RRP36: variants seen among roughly 807,000 people sequenced by gnomAD.
RRP36 encodes the protein ribosomal RNA processing protein 36 homolog.
A neutral mutation model predicts 39.8 loss-of-function variants in RRP36; 44 were observed. The ratio of observed to expected loss-of-function variants is 1.10; its 90% CI spans 0.87 to 1.42. The LOEUF (loss-of-function observed/expected upper bound fraction) is 1.42, where lower values mean the gene tolerates loss of function less well. Ranked by LOEUF, RRP36 falls within the 40% of genes most tolerant of loss-of-function variation. RRP36 has a pLI of 0.00. For missense variants in RRP36, 316 were observed against 322.4 expected, an observed-to-expected ratio of 0.98 and a Z score of 0.15; for synonymous variants, 124 against 123.1, an observed-to-expected ratio of 1.01 and a Z score of -0.05.
intron 6 of RRP36, among the ~76,000 whole-genome samples, chr6:43,028,196 T>C (rs1362014102): frequency 6.6e-6 from 1 of 151,426 alleles, no homozygotes; most frequent in African/African-American, 2.4e-5. Context: ...CCGGGCCTGG[T>C]GGCGTGCACC....
intron 1 of RRP36, among the ~76,000 whole-genome samples, chr6:43,024,333 G>C (rs1424680847): frequency 6.6e-6 from 1 of 152,148 alleles, no homozygotes; most frequent in African/African-American, 2.4e-5. Flanking sequence ...GAGACACATT[G>C]AGAGGAGTGA....
At chr6:43,022,328 G>A (rs1457220828) in intron 1 of RRP36, among the ~76,000 whole-genome samples, 2 of 152,068 alleles carry the variant, frequency 1.3e-5, no homozygotes, top group African/African-American at 4.8e-5. Context: ...TCGATCTCCT[G>A]ACCTCGTGAT....
At position 43,021,703 on chromosome 6, in the gene RRP36, C is replaced by G. The variant is rs1458618014; in HGVS notation, c.49C>G (p.Arg17Gly). 2.5e-6 allele frequency: 3 copies of G among 1,194,204 alleles called. No homozygotes were observed. The Admixed American group carries it at 1.7e-4, about 68-fold the overall frequency. The allele number at this position is 1,194,204 out of a possible 1,614,324, so 74.0% of individuals were successfully genotyped here. Residue 17 changes from arginine to glycine, a missense_variant, in exon 1 of 7, where the codon CGA (arginine) becomes GGA (glycine). Coordinates refer to ENST00000244496, the MANE Select transcript of RRP36 (RefSeq NM_033112.4). ...RAGAGAGAGARRPRGARDREE... is the reference protein window; with the variant it reads ...RAGAGAGAGAGRPRGARDREE... ...CGGGGCCGGGGCCGGGGCCGGGGCC[C>G]GACGTCCCCGCGGGGCCCGGGACCG... is the stretch of plus-strand genomic sequence containing the variant.
rs140642066 is a variant in RRP36, at chr6:43,025,045, C to T, written c.191C>T (p.Thr64Met). The T allele has an allele frequency of 1.7e-4, 269 of 1,614,172 alleles. No homozygotes were observed. The highest frequency in any genetic ancestry group is 1.6e-3 in the African/African-American group (117 of 75,048). The change falls in exon 2 of 7, where the codon ACG becomes ATG. Residue 64 changes from threonine (T) to methionine (M), a missense_variant. Transcript: ENST00000244496. ...TTGCAGAGCCAAGTGGGGACTAAGA[C>T]GTACAAACAATTGGTAGCTGGAAAT... The part of the protein sequence containing the change: ...LELQSQVGTK[T>M]YKQLVAGNSP...
At chr6:43,021,920 A>G in intron 1 of RRP36, 136 bp downstream of exon 1, 1 of 569,608 alleles carries the variant, frequency 1.8e-6, no homozygotes, top group African/African-American at 2.7e-5. Context: ...CCCCCAGTGC[A>G]GTGGAAAGTG....
At position 43,025,072 on chromosome 6, in the gene RRP36, G is replaced by A; in HGVS notation, c.218G>A (p.Ser73Asn). The A allele has an allele frequency of 1.2e-6, 2 of 1,614,188 alleles. No homozygotes were observed. The highest frequency in any genetic ancestry group is 1.7e-6 in the Non-Finnish European group (2 of 1,180,042). Residue 73 changes from serine (S) to asparagine (N), a missense_variant, in exon 2 of 7, where the codon AGT becomes AAT. By Grantham distance (46) the Ser-to-Asn change is conservative (BLOSUM62 1). Transcript: ENST00000244496. ...TACAAACAATTGGTAGCTGGAAATA[G>A]TCCTAAGAAACAAGCTTCTAGACCA... ...KTYKQLVAGNSPKKQASRPPI... is the reference protein window; with the variant it reads ...KTYKQLVAGNNPKKQASRPPI...
chr6:43,027,845 ACAAT>A (rs1218429953), intron 6 of RRP36, among the ~76,000 whole-genome samples: 6 of 150,320 alleles, frequency 4.0e-5, no homozygotes, highest in African/African-American at 9.8e-5. Flanking sequence ...ACACACACAC[ACAAT>A]CAGTTTTATC....
chr6:43,028,801 A>T (rs1055275920), intron 6 of RRP36, among the ~76,000 whole-genome samples: 13 of 151,158 alleles, frequency 8.6e-5, no homozygotes, highest in African/African-American at 3.2e-4. Context: ...AAATACAAAA[A>T]AATTAGCCAT....
rs544435890 is a variant in RRP36 at position 43,025,669 on chromosome 6, T to A, written c.345+340T>A. On this transcript the variant is annotated intron_variant, in intron 3 of 6. Transcript: ENST00000244496. ...AATAGAGGCCGGGCGCAGTGGCTCA[T>A]GTCTGTAATCCCAGCACTTTGGAAG... Among the ~76,000 whole-genome samples the A allele has an allele frequency of 1.1e-3, 158 of 147,554 alleles. 6 individuals are homozygous for A. In the South Asian group the frequency reaches 0.033, roughly 31 times the overall value.
intron 6 of RRP36, among the ~76,000 whole-genome samples, chr6:43,028,588 C>T (rs1762858740): frequency 6.6e-6 from 1 of 151,086 alleles, no homozygotes; most frequent in Non-Finnish European, 1.5e-5. Flanking sequence ...GCGGAGGTTG[C>T]AGTGAGCTGA....
At position 43,026,146 on chromosome 6, in the gene RRP36, A is replaced by G. The variant is rs1345644516; in HGVS notation, c.450+5A>G. On this transcript the variant is annotated splice_donor_5th_base_variant and intron_variant, in intron 4 of 6. Transcript: ENST00000244496. ...ATCCGAGCGAAAGAGAAAGAGGTAT[A>G]CAGCTTGAGACTGGTTTATGGGGAA... 1.9e-6 allele frequency: 3 copies of G among 1,601,704 alleles called. No individual in the cohort carries two copies. The highest frequency in any genetic ancestry group is 2.6e-6 in the Non-Finnish European group (3 of 1,169,104).
chr6:43,022,327 T>G (rs1311048906), intron 1 of RRP36, among the ~76,000 whole-genome samples: 5 of 152,074 alleles, frequency 3.3e-5, no homozygotes, highest in Non-Finnish European at 7.4e-5. Flanking sequence ...CTCGATCTCC[T>G]GACCTCGTGA....
At chr6:43,024,802 C>T (rs1167393709) in intron 1 of RRP36, among the ~76,000 whole-genome samples, 183 bp from the exon 2 acceptor site, 5 of 152,178 alleles carry the variant, frequency 3.3e-5, no homozygotes, top group African/African-American at 1.2e-4. Context: ...CAAGATGAGG[C>T]CCCAGGTTGC....
At chr6:43,022,843 G>A (rs1762750420) in intron 1 of RRP36, among the ~76,000 whole-genome samples, 1 of 151,860 alleles carries the variant, frequency 6.6e-6, no homozygotes, top group African/African-American at 2.4e-5. Flanking sequence ...GTGTTAGCCA[G>A]GATGGTCTCT....
At chr6:43,022,632 CT>C (rs34268212) in intron 1 of RRP36, among the ~76,000 whole-genome samples, 2,154 of 107,042 alleles carry the variant, frequency 0.02, 7 homozygotes, top group South Asian at 0.039. Context: ...AAGGTCTCAC[CT>C]TTTTTTTTTT....
At chr6:43,022,117 T>G (rs1345861061) in intron 1 of RRP36, among the ~76,000 whole-genome samples, 1 of 152,116 alleles carries the variant, frequency 6.6e-6, no homozygotes, top group Non-Finnish European at 1.5e-5. Flanking sequence ...TTTAATTTTT[T>G]TTTTTTGAGA....
At position 43,025,010 on chromosome 6, in the gene RRP36, G is replaced by C. The variant is rs1389437670; in HGVS notation, c.156G>C (p.Glu52Asp). 2 of 1,614,136 alleles carry C rather than the reference G, an allele frequency of 1.2e-6. No homozygotes were observed. Among genetic ancestry groups the C allele is most frequent in the Non-Finnish European group, 8.5e-7 (1 of 1,180,052 alleles). ...GCACATCTAACATGTCATTTGAGGA[G>C]CTGTTGGAATTGCAGAGCCAAGTGG... ...LRGTSNMSFE[E>D]LLELQSQVGT... The change falls in exon 2 of 7, where the codon GAG becomes GAC. Residue 52 changes from glutamate (E) to aspartate (D), a missense_variant. Transcript: ENST00000244496.
In RRP36 at chr6:43,021,662, G is replaced by C. The variant is rs1762711266; in HGVS notation, c.8G>C (p.Gly3Ala). 1.6e-6 allele frequency: 2 copies of C among 1,277,446 alleles called. No individual in the cohort carries two copies. Among genetic ancestry groups the C allele is most frequent in the Non-Finnish European group, 9.9e-7 (1 of 1,012,278 alleles). 79.1% of individuals were successfully genotyped at this position (1,277,446 alleles called of 1,614,324 possible). A position where few individuals can be genotyped will look rare whatever the true frequency, so the allele number is the denominator to read the frequency against. MP[G>A]ANYRAGAGAG... ...GAGCGCTACTGCCAGCTGATGCCGG[G>C]AGCTAACTACCGCGCCGGGGCCGGG... The change falls in exon 1 of 7, where the codon GGA (glycine) becomes GCA (alanine). Residue 3 changes from glycine to alanine, a missense_variant. By Grantham distance (60) the Gly-to-Ala change is moderately conservative. Coordinates refer to ENST00000244496, the MANE Select transcript of RRP36 (RefSeq NM_033112.4).
intron 1 of RRP36, among the ~76,000 whole-genome samples, chr6:43,022,351 G>C (rs1224212041): frequency 6.6e-6 from 1 of 152,090 alleles, no homozygotes; most frequent in Non-Finnish European, 1.5e-5. Context: ...GCCCGCCTCA[G>C]CCTCCCAAAG....
Sources: allele counts gnomAD v4.1 joint callset (sites outside exome capture counted in the v4.1 genomes callset), GRCh38; gene constraint gnomAD v4.1.1; transcripts MANE v1.5; gene names NCBI Gene and HGNC (gene_info 2026-07-23, HGNC 2026-07-21).